Variants in PALLD observed in about 807,000 individuals in gnomAD.
PALLD encodes palladin, cytoskeletal associated protein.
Under a neutral mutation model 123.5 loss-of-function variants are expected in PALLD, and 61 were observed. The ratio of observed to expected loss-of-function variants is 0.49; its 90% CI spans 0.40 to 0.61. PALLD has a LOEUF of 0.61. Among genes scored for constraint, PALLD ranks in the 20% least tolerant of loss-of-function variants. The pLI, the probability that PALLD is intolerant of heterozygous loss-of-function variation, is 0.00. For synonymous variants in PALLD, 465 were observed against 496.4 expected, an observed-to-expected ratio of 0.94 and a Z score of 0.84; for missense variants, 1,273 against 1,377.0, an observed-to-expected ratio of 0.92 and a Z score of 1.20.
chr4:168,912,557 CA>C (rs1479311868), intron 15 of PALLD, among the ~76,000 whole-genome samples: 2 of 152,210 alleles, frequency 1.3e-5, no homozygotes, highest in African/African-American at 4.8e-5. Context: ...TGTCTGTTCA[CA>C]TATGACAGCG....
At chr4:168,763,952 C>T (rs994945840) in intron 10 of PALLD, among the ~76,000 whole-genome samples, 6 of 152,110 alleles carry the variant, frequency 3.9e-5, no homozygotes, top group Non-Finnish European at 7.3e-5. Context: ...AACAAGGGTC[C>T]GTTATTCATG....
At chr4:168,819,004 A>G (rs1742347025) in intron 10 of PALLD, among the ~76,000 whole-genome samples, 1 of 152,212 alleles carries the variant, frequency 6.6e-6, no homozygotes, top group African/African-American at 2.4e-5. Context: ...TTTTTCAATA[A>G]TAAATGCCTT....
chr4:168,891,277 C>T (rs1754116595), intron 11 of PALLD, among the ~76,000 whole-genome samples: 1 of 152,154 alleles, frequency 6.6e-6, no homozygotes, highest in African/African-American at 2.4e-5. Flanking sequence ...ATCCTGTGAC[C>T]TCAACCTCCT....
chr4:168,713,234 G>T (rs545067715), intron 10 of PALLD, among the ~76,000 whole-genome samples: 2 of 152,116 alleles, frequency 1.3e-5, no homozygotes, highest in Non-Finnish European at 2.9e-5. Flanking sequence ...ATACCTATGC[G>T]CCATCTCCAT....
At chr4:168,688,639 T>C (rs749529324) in intron 6 of PALLD, among the ~76,000 whole-genome samples, 20 of 152,366 alleles carry the variant, frequency 1.3e-4, no homozygotes, top group Non-Finnish European at 2.6e-4. Flanking sequence ...TGGCTTACTA[T>C]GTTTAGCCAT....
intron 2 of PALLD, among the ~76,000 whole-genome samples, chr4:168,578,287 G>T (rs577689931): frequency 6.6e-6 from 1 of 151,966 alleles, no homozygotes; most frequent in African/African-American, 2.4e-5. Context: ...CCCACCTAAC[G>T]CTCATCTTGA....
At chr4:168,632,657 T>C (rs1002565137) in intron 2 of PALLD, among the ~76,000 whole-genome samples, 5 of 152,164 alleles carry the variant, frequency 3.3e-5, no homozygotes, top group African/African-American at 7.2e-5. Flanking sequence ...CAGAATACAA[T>C]AGGGAAGAAT....
intron 2 of PALLD, among the ~76,000 whole-genome samples, chr4:168,556,003 G>A (rs1398012635): frequency 6.6e-6 from 1 of 152,034 alleles, no homozygotes; most frequent in African/African-American, 2.4e-5. Flanking sequence ...CCGAAGTTCC[G>A]GGATCATGGA....
intron 10 of PALLD, among the ~76,000 whole-genome samples, chr4:168,778,057 G>A (rs573428724): frequency 3.5e-4 from 54 of 152,304 alleles, no homozygotes; most frequent in African/African-American, 1.3e-3. Flanking sequence ...TGTGTTTGTG[G>A]GAGAGCACAG....
At chr4:168,918,585 G>C (rs535726735) in intron 17 of PALLD, among the ~76,000 whole-genome samples, 71 of 152,204 alleles carry the variant, frequency 4.7e-4, no homozygotes, top group Middle Eastern at 3.4e-3. Flanking sequence ...TTTCAGACAG[G>C]AAGAATAAGT....
intron 6 of PALLD, among the ~76,000 whole-genome samples, chr4:168,689,359 T>C (rs1321308758): frequency 6.6e-6 from 1 of 152,016 alleles, no homozygotes; most frequent in African/African-American, 2.4e-5. Flanking sequence ...ATTTGTTTGC[T>C]TTTGGTGTAT....
chr4:168,664,024 A>G (rs1027652691), intron 2 of PALLD, among the ~76,000 whole-genome samples: 2 of 152,222 alleles, frequency 1.3e-5, no homozygotes, highest in Admixed American at 1.3e-4. Flanking sequence ...CTACATACAT[A>G]TTACATCTCC....
At chr4:168,722,912 A>C (rs1786165065) in intron 10 of PALLD, among the ~76,000 whole-genome samples, 2 of 152,246 alleles carry the variant, frequency 1.3e-5, no homozygotes, top group South Asian at 4.1e-4. Flanking sequence ...AAGAGAAAGG[A>C]ATCAAGAAAA....
At chr4:168,905,738 G>A (rs1441479154) in intron 15 of PALLD, among the ~76,000 whole-genome samples, 2 of 147,672 alleles carry the variant, frequency 1.4e-5, no homozygotes, top group African/African-American at 2.5e-5. Flanking sequence ...TTTAATGTTT[G>A]TGTTCATATT....
chr4:168,697,020 G>T (rs1381737070), intron 8 of PALLD, among the ~76,000 whole-genome samples: 1 of 152,042 alleles, frequency 6.6e-6, no homozygotes, highest in Non-Finnish European at 1.5e-5. Context: ...ATGAAATTCA[G>T]AATTTCCAGG....
intron 18 of PALLD, among the ~76,000 whole-genome samples, chr4:168,922,429 T>C (rs765612167): frequency 6.6e-6 from 1 of 152,244 alleles, no homozygotes; most frequent in Admixed American, 6.5e-5. Context: ...TATGTATCAG[T>C]TGGCCCTCAC....
intron 2 of PALLD, among the ~76,000 whole-genome samples, chr4:168,586,437 A>C (rs9312341): frequency 0.053 from 8,004 of 152,240 alleles, 671 homozygotes; most frequent in African/African-American, 0.18. Flanking sequence ...CACTGTCTAC[A>C]TGCTGGACCC....
intron 10 of PALLD, among the ~76,000 whole-genome samples, chr4:168,783,304 C>T (rs1448524404): frequency 6.6e-6 from 1 of 152,052 alleles, no homozygotes; most frequent in Non-Finnish European, 1.5e-5. Flanking sequence ...TCCAGGAGCT[C>T]ATAGTATAAG....
chr4:168,578,152 G>A (rs1257975818), intron 2 of PALLD, among the ~76,000 whole-genome samples: 1 of 151,872 alleles, frequency 6.6e-6, no homozygotes, highest in Non-Finnish European at 1.5e-5. Flanking sequence ...TATCTTCTAG[G>A]GTCAGCAATT....
Sources: gnomAD v4.1 joint callset for allele counts (sites outside exome capture counted in the v4.1 genomes callset) on GRCh38, gnomAD v4.1.1 for gene constraint, MANE v1.5 for transcripts, NCBI Gene and HGNC (gene_info 2026-07-23, HGNC 2026-07-21) for gene names.